Variants in CDH13 observed in about 807,000 individuals in gnomAD.
CDH13 encodes the protein cadherin 13, also known as cadherin-13.
Under a neutral mutation model 63.8 loss-of-function variants are expected in CDH13, and 24 were observed. The observed-to-expected ratio is 0.38, with a 90% CI of 0.27 to 0.53. The LOEUF is 0.53. Among genes scored for constraint, CDH13 ranks in the 20% least tolerant of loss-of-function variants. The pLI is 0.85. For synonymous variants in CDH13, 503 were observed against 355.3 expected (o/e 1.42, Z -4.67); for missense variants, 1,049 against 903.1 (o/e 1.16, Z -2.07).
chr16:82,684,524 A>C (rs925988089), intron 1 of CDH13, among the ~76,000 whole-genome samples: 1 of 152,126 alleles, frequency 6.6e-6, no homozygotes, highest in Admixed American at 6.6e-5. Context: ...TATGTCATGC[A>C]TACCACAGAC....
intron 3 of CDH13, among the ~76,000 whole-genome samples, chr16:83,116,397 A>G (rs550106161): frequency 6.6e-6 from 1 of 152,242 alleles, no homozygotes; most frequent in East Asian, 1.9e-4. Flanking sequence ...GGCAGCAGGG[A>G]TACGGGCAGG....
intron 7 of CDH13, among the ~76,000 whole-genome samples, chr16:83,577,223 G>T (rs1905143823): frequency 6.6e-6 from 1 of 152,204 alleles, no homozygotes; most frequent in African/African-American, 2.4e-5. Context: ...TATAGGAAGG[G>T]TTAAACAGCC....
At chr16:82,769,668 C>G (rs1386562323) in intron 1 of CDH13, among the ~76,000 whole-genome samples, 1 of 152,168 alleles carries the variant, frequency 6.6e-6, no homozygotes, top group East Asian at 1.9e-4. Context: ...AGGAGCAATT[C>G]CATGATGCCC....
At chr16:82,706,587 G>A (rs952487453) in intron 1 of CDH13, among the ~76,000 whole-genome samples, 6 of 151,766 alleles carry the variant, frequency 4.0e-5, no homozygotes, top group Non-Finnish European at 8.8e-5. Context: ...TGAGGGTCAG[G>A]AGTTGGAGAC....
intron 7 of CDH13, among the ~76,000 whole-genome samples, chr16:83,492,589 C>A (rs2074040146): frequency 6.6e-6 from 1 of 152,114 alleles, no homozygotes; most frequent in African/African-American, 2.4e-5. Flanking sequence ...ATTATCCTTT[C>A]AAATGAAACA....
chr16:82,718,602 T>C (rs2032549033), intron 1 of CDH13, among the ~76,000 whole-genome samples: 1 of 152,286 alleles, frequency 6.6e-6, no homozygotes, highest in Admixed American at 6.5e-5. Flanking sequence ...CTGGGCAATT[T>C]ACAAAAGAGG....
At chr16:83,743,710 G>A (rs1318181449) in intron 10 of CDH13, among the ~76,000 whole-genome samples, 1 of 140,736 alleles carries the variant, frequency 7.1e-6, no homozygotes, top group African/African-American at 2.6e-5. Flanking sequence ...GGATCAACAG[G>A]AAACTTGCTA....
At chr16:83,015,584 C>T (rs949724998) in intron 2 of CDH13, among the ~76,000 whole-genome samples, 2 of 147,674 alleles carry the variant, frequency 1.4e-5, no homozygotes, top group African/African-American at 2.5e-5. Flanking sequence ...AGATTACATC[C>T]ATTTAAACAT....
chr16:83,232,360 A>G (rs1246418106), intron 5 of CDH13, among the ~76,000 whole-genome samples: 3 of 151,688 alleles, frequency 2.0e-5, no homozygotes, highest in Admixed American at 6.6e-5. Context: ...CCCTGTCTCT[A>G]CTAAAAAAAC....
intron 2 of CDH13, among the ~76,000 whole-genome samples, chr16:83,020,691 CCTCT>C (rs1915266801): frequency 6.6e-6 from 1 of 152,132 alleles, no homozygotes; most frequent in Non-Finnish European, 1.5e-5. Context: ...ATATTGTGTT[CCTCT>C]CTCTCTTTCT....
intron 6 of CDH13, among the ~76,000 whole-genome samples, chr16:83,481,558 G>A (rs753639781): frequency 2.5e-4 from 38 of 152,196 alleles, no homozygotes; most frequent in Non-Finnish European, 4.4e-4. Flanking sequence ...TCAGGAGGAA[G>A]GGGCTACCTG....
chr16:83,720,364 A>G (rs535839819), intron 10 of CDH13, among the ~76,000 whole-genome samples: 1 of 152,110 alleles, frequency 6.6e-6, no homozygotes, highest in Non-Finnish European at 1.5e-5. Flanking sequence ...CACACTCTCC[A>G]GTAAGCTTTT....
intron 5 of CDH13, among the ~76,000 whole-genome samples, chr16:83,312,572 G>C (rs1420783218): frequency 6.6e-6 from 1 of 152,072 alleles, no homozygotes; most frequent in Non-Finnish European, 1.5e-5. Context: ...ACCCTTCTTG[G>C]GCAGGTTTGG....
intron 5 of CDH13, among the ~76,000 whole-genome samples, chr16:83,222,841 C>T (rs768150615): frequency 1.1e-4 from 17 of 152,134 alleles, no homozygotes; most frequent in Non-Finnish European, 2.5e-4. Context: ...AGGAAATACC[C>T]ACATATGAAA....
intron 2 of CDH13, among the ~76,000 whole-genome samples, chr16:82,911,246 G>A (rs750732761): frequency 6.6e-6 from 1 of 152,206 alleles, no homozygotes; most frequent in Non-Finnish European, 1.5e-5. Flanking sequence ...TGTGGTCTGT[G>A]TGAAAAAGAA....
chr16:83,494,184 G>A (rs977383915), intron 7 of CDH13, among the ~76,000 whole-genome samples: 5 of 152,130 alleles, frequency 3.3e-5, no homozygotes, highest in Admixed American at 6.5e-5. Flanking sequence ...TTTGCAGAGT[G>A]ATGATGAATT....
chr16:82,871,524 C>T (rs1442885996), intron 2 of CDH13, among the ~76,000 whole-genome samples: 1 of 152,174 alleles, frequency 6.6e-6, no homozygotes, highest in African/African-American at 2.4e-5. Flanking sequence ...GAAAGAGAAG[C>T]AGAATCACTG....
chr16:82,949,812 G>C (rs1224344959), intron 2 of CDH13, among the ~76,000 whole-genome samples: 1 of 151,946 alleles, frequency 6.6e-6, no homozygotes, highest in Non-Finnish European at 1.5e-5. Context: ...ATTATAAGTT[G>C]CTTTGCTTTA....
At chr16:83,727,020 A>T (rs1598597704) in intron 10 of CDH13, among the ~76,000 whole-genome samples, 1 of 152,184 alleles carries the variant, frequency 6.6e-6, no homozygotes, top group East Asian at 1.9e-4. Flanking sequence ...GTATTGATTT[A>T]TGAGATATAA....
Sources: allele counts gnomAD v4.1 joint callset (sites outside exome capture counted in the v4.1 genomes callset), GRCh38; gene constraint gnomAD v4.1.1; transcripts MANE v1.5; gene names NCBI Gene and HGNC (gene_info 2026-07-23, HGNC 2026-07-21).